SERPINB4: variants seen among roughly 807,000 people sequenced by gnomAD.
SERPINB4 encodes the protein serpin B4.
A neutral mutation model predicts 33.2 loss-of-function variants in SERPINB4; 39 were observed. That is an observed-to-expected ratio of 1.18 (90% CI 0.91 to 1.53). The LOEUF (loss-of-function observed/expected upper bound fraction) is 1.53. Among genes scored for constraint, SERPINB4 ranks in the 40% most tolerant of loss-of-function variants. The pLI is 0.00. For synonymous variants in SERPINB4, 191 were observed against 166.4 expected (o/e 1.15, Z -1.14); for missense variants, 564 against 455.4 (o/e 1.24, Z -2.17).
In SERPINB4 at chr18:63,640,997, A is replaced by G. The variant is rs183407670; in HGVS notation, c.352-6T>C. ...TTGATGGCATCTAAATATTCCTTTGAGATATGAAGGAAGAAGTAGGAATTA... is the reference window on the plus strand; with the variant it reads ...TTGATGGCATCTAAATATTCCTTTGGGATATGAAGGAAGAAGTAGGAATTA... On this transcript the variant is annotated splice_region_variant and splice_polypyrimidine_tract_variant and intron_variant, in intron 4 of 7. Coordinates refer to ENST00000341074, the MANE Select transcript of SERPINB4 (RefSeq NM_002974.4). The G allele has an allele frequency of 3.6e-5, 57 of 1,602,398 alleles. 1 individual carries two copies. The highest frequency in any genetic ancestry group is 4.9e-5 in the Non-Finnish European group (57 of 1,170,120).
In SERPINB4 at chr18:63,638,045, G is replaced by A. The variant is rs1912995649; in HGVS notation, c.847C>T (p.His283Tyr). ...QNMRETCVDL[H>Y]LPRFKMEESY... ...TCTTCCATTTTGAACCGAGGTAAGT[G>A]TAAATCGACACATGTCTCTCTCATA... Residue 283 changes from histidine to tyrosine, a missense_variant, in exon 8 of 8, where the codon CAC becomes TAC. Coordinates refer to ENST00000341074, the MANE Select transcript of SERPINB4 (RefSeq NM_002974.4). 4.3e-6 allele frequency: 7 copies of A among 1,613,560 alleles called. No homozygotes were observed. Among genetic ancestry groups the A allele is most frequent in the Non-Finnish European group, 5.9e-6 (7 of 1,179,732 alleles).
intron 5 of SERPINB4, 107 bp from the exon 6 acceptor site, chr18:63,639,883 C>G (rs1197015976): frequency 8.9e-6 from 9 of 1,009,598 alleles, no homozygotes; most frequent in Middle Eastern, 2.8e-4. Context: ...ACCCAAATCC[C>G]TGCTTGAGAC....
In SERPINB4 at chr18:63,638,127, T is replaced by C; in HGVS notation, c.769-4A>G. ...CAGCAGTGAGTTTCTCTTCAAGCTA[T>C]ACAAATGGAAAAAAGAAACTGATAT... On this transcript the variant is annotated splice_region_variant and splice_polypyrimidine_tract_variant and intron_variant, in intron 7 of 7. Transcript: ENST00000341074. 1 of 1,609,360 alleles carries C rather than the reference T, an allele frequency of 6.2e-7. No individual in the cohort carries two copies. Among genetic ancestry groups the C allele is most frequent in the Non-Finnish European group, 8.5e-7 (1 of 1,177,542 alleles).
At chr18:63,640,817 C>T (rs773105953) in intron 5 of SERPINB4, 57 bp downstream of exon 5, 1 of 1,470,020 alleles carries the variant, frequency 6.8e-7, no homozygotes, top group Non-Finnish European at 9.5e-7. Flanking sequence ...GTGTCAAGCA[C>T]AAGGCTCACT....
chr18:63,643,755 T>A (rs1304917761), intron 1 of SERPINB4, among the ~76,000 whole-genome samples, 152 bp from the exon 2 acceptor site: 1 of 152,138 alleles, frequency 6.6e-6, no homozygotes, highest in Non-Finnish European at 1.5e-5. Context: ...CTTTCTACAA[T>A]GTGCATATAT....
At chr18:63,640,303 T>C (rs549056572) in intron 5 of SERPINB4, among the ~76,000 whole-genome samples, 1 of 152,136 alleles carries the variant, frequency 6.6e-6, no homozygotes, top group Non-Finnish European at 1.5e-5. Context: ...GCTGTAAGTT[T>C]GGCCTGTAAT....
rs1469747137 is a variant in SERPINB4, at chr18:63,643,499, T to C, written c.79A>G (p.Ile27Val). 1.2e-6 allele frequency: 2 copies of C among 1,613,648 alleles called. No homozygotes were observed. Among genetic ancestry groups the C allele is most frequent in the East Asian group, 2.2e-5 (1 of 44,884 alleles). The change falls in exon 2 of 8, where the codon ATC becomes GTC. Residue 27 changes from isoleucine (I) to valine (V), a missense_variant. Ile to Val is a conservative substitution (Grantham distance 29). Transcript: ENST00000341074. ...QQFRKSKENN[I>V]FYSPISITSA... ...GTGATGCTGATAGGGGAATAGAAGATGTTGTTCTCTTTTGATTTTCTGAAC... is the reference window on the plus strand; with the variant it reads ...GTGATGCTGATAGGGGAATAGAAGACGTTGTTCTCTTTTGATTTTCTGAAC...
intron 2 of SERPINB4, 23 bp downstream of exon 2, chr18:63,643,390 A>C (rs759678550): frequency 1.2e-6 from 2 of 1,613,342 alleles, no homozygotes; most frequent in East Asian, 4.5e-5. Flanking sequence ...GCAACAGGAC[A>C]ACGTAATGAT....
Position 63,637,821 on chromosome 18 carries a change from A to G in SERPINB4, c.1071T>C (p.Pro357=), listed in dbSNP as rs1912979699. ...TAVVVVELSS[P]STNEEFCCNH... ...TACAACAGAACTCTTCATTAGTTGAAGGAGATGATAATTCGACTACTACTA... is the reference window on the plus strand; with the variant it reads ...TACAACAGAACTCTTCATTAGTTGAGGGAGATGATAATTCGACTACTACTA... Residue 357 remains proline (P), a synonymous_variant, in exon 8 of 8, where the codon CCT becomes CCC. Coordinates refer to ENST00000341074, the MANE Select transcript of SERPINB4 (RefSeq NM_002974.4). 1 of 1,613,452 alleles carries G rather than the reference A, an allele frequency of 6.2e-7. No homozygotes were observed. Among genetic ancestry groups the G allele is most frequent in the South Asian group, 1.1e-5 (1 of 91,076 alleles).
At chr18:63,641,917 A>G (rs770478754) in intron 3 of SERPINB4, 29 bp from the exon 4 acceptor site, 7 of 1,611,070 alleles carry the variant, frequency 4.3e-6, no homozygotes, top group Middle Eastern at 1.7e-4. Context: ...GAGATCATTC[A>G]ATTGCTGTAT....
In SERPINB4 at chr18:63,643,090, TG is replaced by T. The variant is rs1012053190; in HGVS notation, c.222+70del. The T allele has an allele frequency of 8.1e-6, 13 of 1,596,084 alleles. No individual in the cohort carries two copies. In the Middle Eastern group the frequency reaches 5.0e-4, roughly 61 times the overall value. On this transcript the variant is annotated intron_variant, in intron 3 of 7. Coordinates refer to ENST00000341074, the MANE Select transcript of SERPINB4 (RefSeq NM_002974.4). The stretch of plus-strand genomic sequence containing the variant: ...CTAAAACTGGCCTTTTCTTAGTTTT[TG>T]TGAAGTTCCAGGTTTAAACTATGAC...
In SERPINB4 at chr18:63,641,778, C is replaced by T. The variant is rs746111341; in HGVS notation, c.333G>A (p.Lys111=). 33 of 1,613,210 alleles carry T rather than the reference C, an allele frequency of 2.0e-5. No individual in the cohort carries two copies. Among genetic ancestry groups the T allele is most frequent in the African/African-American group, 1.7e-4 (13 of 74,868 alleles). ...AAATTACCTGTAAAAATTGATACGTCTTTTCTCCGAAGAGCTTGTTGGCGA... is the reference window on the plus strand; with the variant it reads ...AAATTACCTGTAAAAATTGATACGTTTTTTCTCCGAAGAGCTTGTTGGCGA... ...LKIANKLFGE[K]TYQFLQEYLD... The change falls in exon 4 of 8, where the codon AAG becomes AAA. Residue 111 remains lysine (K), a synonymous_variant. Transcript: ENST00000341074.
At chr18:63,640,789 C>G in intron 5 of SERPINB4, 85 bp downstream of exon 5, 1 of 1,167,778 alleles carries the variant, frequency 8.6e-7, no homozygotes, top group South Asian at 1.3e-5. Flanking sequence ...TCAATCCCCA[C>G]ACCTGTTCCC....
intron 3 of SERPINB4, 148 bp from the exon 4 acceptor site, chr18:63,642,036 C>T (rs1040844929): frequency 1.6e-6 from 2 of 1,212,812 alleles, no homozygotes; most frequent in African/African-American, 1.5e-5. Flanking sequence ...TATTTCACCT[C>T]AAATACCCTT....
In SERPINB4 at chr18:63,637,910, C is replaced by T; in HGVS notation, c.982G>A (p.Val328Ile). 2 of 1,613,594 alleles carry T rather than the reference C, an allele frequency of 1.2e-6. No homozygotes were observed. The highest frequency in any genetic ancestry group is 1.3e-5 in the African/African-American group (1 of 75,012). Residue 328 changes from valine (V) to isoleucine (I), a missense_variant, in exon 8 of 8, where the codon GTC becomes ATC. Physicochemically the swap from Val to Ile is conservative, Grantham distance 29. Transcript: ENST00000341074. ...ACCTCCACAAAGGCCTTGTGTAGGA[C>T]TTTAGATACTGAGAGACCGTGGCTC... ...TWSHGLSVSK[V>I]LHKAFVEVTE...
At chr18:63,642,067 A>T (rs1913153181) in intron 3 of SERPINB4, among the ~76,000 whole-genome samples, 179 bp from the exon 4 acceptor site, 1 of 151,960 alleles carries the variant, frequency 6.6e-6, no homozygotes, top group African/African-American at 2.4e-5. Context: ...CTTATATTTG[A>T]CTTCTTCCAG....
chr18:63,640,785 C>G (rs945711323), intron 5 of SERPINB4, 89 bp downstream of exon 5: 5 of 1,129,084 alleles, frequency 4.4e-6, no homozygotes, highest in African/African-American at 1.5e-5. Context: ...CATCTCAATC[C>G]CCACACCTGT....
In SERPINB4 at chr18:63,639,861, C is replaced by G. The variant is rs969803724; in HGVS notation, c.470-85G>C. 9 of 1,269,640 alleles carry G rather than the reference C, an allele frequency of 7.1e-6. No individual in the cohort carries two copies. The South Asian group carries it at 1.1e-4, about 16-fold the overall frequency. 78.6% of individuals were successfully genotyped at this position (1,269,640 alleles called of 1,614,324 possible). On this transcript the variant is annotated intron_variant, in intron 5 of 7. Transcript: ENST00000341074. ...TGCTTTGCAAATGTTCGTGACTGAT[C>G]GTTAATTATTGACCCAAATCCCTGC...
chr18:63,639,104 A>C (rs1461447495), intron 7 of SERPINB4, 81 bp downstream of exon 7: 14 of 1,421,028 alleles, frequency 9.9e-6, no homozygotes, highest in African/African-American at 4.3e-5. Context: ...ACTCGGTCAT[A>C]AGCTTTTACC....
Sources: allele counts gnomAD v4.1 joint callset (sites outside exome capture counted in the v4.1 genomes callset), GRCh38; gene constraint gnomAD v4.1.1; transcripts MANE v1.5; gene names NCBI Gene and HGNC (gene_info 2026-07-23, HGNC 2026-07-21).